SETDB1: variants seen among roughly 807,000 people sequenced by gnomAD.
SETDB1 encodes histone-lysine N-methyltransferase SETDB1.
SETDB1 carries 31 observed loss-of-function variants against 137.4 expected under a neutral mutation model. The ratio of observed to expected loss-of-function variants is 0.23; its 90% confidence interval spans 0.17 to 0.30. SETDB1 has a LOEUF of 0.30. Among genes scored for constraint, SETDB1 ranks in the 10% least tolerant of loss-of-function variants. SETDB1 has a pLI of 1.00. For synonymous variants in SETDB1, 548 were observed against 579.9 expected (o/e 0.95, Z 0.79); for missense variants, 1,113 against 1,631.5 (o/e 0.68, Z 5.47).
chr1:150,952,310 G>A (rs79228431), intron 14 of SETDB1, among the ~76,000 whole-genome samples: 4,187 of 152,216 alleles, frequency 0.028, 81 homozygotes, highest in Non-Finnish European at 0.043. Context: ...TTAGGAGATC[G>A]TTATAGGAGT....
Position 150,960,228 on chromosome 1 carries a change from CTG to C in SETDB1, c.2504-332_2504-331del, listed in dbSNP as rs369768448. 1.5e-4 allele frequency among the ~76,000 whole-genome samples: 23 copies of C among 151,974 alleles called. No homozygotes were observed. The East Asian group carries it at 3.7e-3, about 24-fold the overall frequency. On this transcript the variant is annotated intron_variant, in intron 15 of 21. Transcript: ENST00000692827. ...GTGGCTAACACCTGTAATCCCAACA[CTG>C]TGGGAGGCTGAGGCGGGCAGATCAC... is the stretch of plus-strand genomic sequence containing the variant.
At chr1:150,927,999 G>A in intron 2 of SETDB1, 25 bp downstream of exon 2, 3 of 1,607,886 alleles carry the variant, frequency 1.9e-6, no homozygotes, top group South Asian at 2.2e-5. Flanking sequence ...GAAAATAGAA[G>A]GAAATCTCTC....
In SETDB1 at chr1:150,949,291, C is replaced by T. The variant is rs746018029; in HGVS notation, c.1424+13C>T. On this transcript the variant is annotated intron_variant, in intron 11 of 21. Transcript: ENST00000692827. Reference sequence around the variant, plus strand: ...CAGGTGACAGTGAGTGAGTGTTATTCTTTCTTTTTCTTCAGTTTCTTTCAT... The same window carrying T: ...CAGGTGACAGTGAGTGAGTGTTATTTTTTCTTTTTCTTCAGTTTCTTTCAT... The T allele has an allele frequency of 4.3e-5, 69 of 1,612,758 alleles. No homozygotes were observed. Among genetic ancestry groups the T allele is most frequent in the Non-Finnish European group, 5.2e-5 (61 of 1,179,316 alleles).
At chr1:150,931,636 TA>T (rs1386651491) in intron 3 of SETDB1, among the ~76,000 whole-genome samples, 32 of 61,196 alleles carry the variant, frequency 5.2e-4, no homozygotes, top group Admixed American at 1.8e-3. Flanking sequence ...AAATAAAAAA[TA>T]AAAAAAATAA....
intron 4 of SETDB1, among the ~76,000 whole-genome samples, 156 bp from the exon 5 acceptor site, chr1:150,941,173 G>C (rs1013038679): frequency 1.3e-4 from 20 of 152,072 alleles, no homozygotes; most frequent in African/African-American, 4.3e-4. Context: ...CAAAAAAAAA[G>C]AGTAAGGGCA....
At chr1:150,933,645 A>G (rs1174896489) in intron 3 of SETDB1, among the ~76,000 whole-genome samples, 1 of 151,902 alleles carries the variant, frequency 6.6e-6, no homozygotes, top group Non-Finnish European at 1.5e-5. Flanking sequence ...TCAAAGTGCT[A>G]GAATTACAGG....
At chr1:150,943,888 C>CAG (rs763364311) in intron 7 of SETDB1, 32 bp from the exon 8 acceptor site, 2 of 1,348,330 alleles carry the variant, frequency 1.5e-6, no homozygotes, top group South Asian at 2.3e-5. Flanking sequence ...TCATAACCCC[C>CAG]AGATCTTTCT....
At position 150,946,945 on chromosome 1, in the gene SETDB1, C is replaced by T. The variant is rs750000435; in HGVS notation, c.1200C>T (p.Ser400=). 1 of 1,614,138 alleles carries T rather than the reference C, an allele frequency of 6.2e-7. No homozygotes were observed. The highest frequency in any genetic ancestry group is 8.5e-7 in the Non-Finnish European group (1 of 1,179,994). Reference sequence around the variant, plus strand: ...CTACACGGCTGGAGCCCATGTTCAGCATGAAAACATCCTCAGCCTCTGCAC... The same window carrying T: ...CTACACGGCTGGAGCCCATGTTCAGTATGAAAACATCCTCAGCCTCTGCAC... ...RGSTRLEPMF[S]MKTSSASALE... Residue 400 remains serine, a synonymous_variant, in exon 10 of 22, where the codon AGC becomes AGT. Coordinates refer to ENST00000692827, the MANE Select transcript of SETDB1 (RefSeq NM_001366418.1).
rs780187519 is a variant in SETDB1, at chr1:150,964,060, C to G, written c.3738C>G (p.Pro1246=). ...VFVDTHDLRF[P]WVAFFASKRI... ...TGGATACCCATGATCTTCGCTTCCCCTGGGTGGCCTTCTTTGCCAGCAAGT... is the reference window on the plus strand; with the variant it reads ...TGGATACCCATGATCTTCGCTTCCCGTGGGTGGCCTTCTTTGCCAGCAAGT... Residue 1246 remains proline (P), a synonymous_variant, in exon 21 of 22, where the codon CCC becomes CCG. Coordinates refer to ENST00000692827, the MANE Select transcript of SETDB1 (RefSeq NM_001366418.1). 3.1e-6 allele frequency: 5 copies of G among 1,614,066 alleles called. No homozygotes were observed. In the South Asian group the frequency reaches 5.5e-5, roughly 18 times the overall value.
chr1:150,933,003 T>G (rs983230572), intron 3 of SETDB1, among the ~76,000 whole-genome samples: 8 of 152,140 alleles, frequency 5.3e-5, no homozygotes, highest in African/African-American at 1.9e-4. Context: ...TTAATTAATT[T>G]TATTGTGTTC....
chr1:150,950,532 A>G lies in SETDB1; in HGVS notation c.1658A>G (p.His553Arg), dbSNP rs767563196. ...GCCCCTCCAGCACCCCCAGTCTTCC[A>G]TGGCATGCTGGAGCGGGCCCCAGCA... Reference protein sequence around the residue: ...LPAPPAPPVFHGMLERAPAEP... With the variant: ...LPAPPAPPVFRGMLERAPAEP... The change falls in exon 13 of 22, where the codon CAT becomes CGT. Residue 553 changes from histidine to arginine, a missense_variant. Transcript: ENST00000692827. 35 of 1,613,808 alleles carry G rather than the reference A, an allele frequency of 2.2e-5. No individual in the cohort carries two copies. In the South Asian group the frequency reaches 3.7e-4, roughly 17 times the overall value.
chr1:150,936,131 T>TG (rs1467858645), intron 3 of SETDB1, among the ~76,000 whole-genome samples: 1 of 151,466 alleles, frequency 6.6e-6, no homozygotes, highest in Non-Finnish European at 1.5e-5. Flanking sequence ...GGACTACAGG[T>TG]GCCCGCCACC....
chr1:150,961,941 G>T, intron 16 of SETDB1, 189 bp from the exon 17 acceptor site: 1 of 697,104 alleles, frequency 1.4e-6, no homozygotes. Context: ...TCACTGAGAA[G>T]GCTTAAAGGC....
chr1:150,927,698 A>G lies in SETDB1; in HGVS notation c.-11-6A>G. 1 of 1,612,538 alleles carries G rather than the reference A, an allele frequency of 6.2e-7. No individual in the cohort carries two copies. Among genetic ancestry groups the G allele is most frequent in the Non-Finnish European group, 8.5e-7 (1 of 1,178,944 alleles). ...TCCAATTTAATTTGTTTTCTGTTCC[A>G]TGCAGAGGACAAAAGCATGTCTTCC... On this transcript the variant is annotated splice_polypyrimidine_tract_variant and splice_region_variant and intron_variant, in intron 1 of 21. Transcript: ENST00000692827.
chr1:150,949,303 T>G, intron 11 of SETDB1, 25 bp downstream of exon 11: 1 of 1,612,548 alleles, frequency 6.2e-7, no homozygotes, highest in Non-Finnish European at 8.5e-7. Flanking sequence ...TTCTTTTTCT[T>G]CAGTTTCTTT....
chr1:150,929,819 A>G (rs978265808), intron 2 of SETDB1, 148 bp from the exon 3 acceptor site: 2 of 680,998 alleles, frequency 2.9e-6, no homozygotes, highest in Non-Finnish European at 4.9e-6. Flanking sequence ...TAGAAAAAGC[A>G]TTCTAAATTC....
rs759691820 is a variant in SETDB1 at position 150,960,874 on chromosome 1, G to A, written c.2815G>A (p.Gly939Arg). Residue 939 changes from glycine (G) to arginine (R), a missense_variant, in exon 16 of 22, where the codon GGA becomes AGA. Transcript: ENST00000692827. ...RRQTRGQKEN[G>R]LSETTSKDSH... ...GCAGACCCGGGGCCAGAAAGAGAAC[G>A]GACTCTCTGAGACAACTTCCAAGGA... 9.9e-6 allele frequency: 16 copies of A among 1,609,244 alleles called. No individual in the cohort carries two copies. The African/African-American group carries it at 1.3e-4, about 13-fold the overall frequency.
At chr1:150,940,813 C>T (rs1670115887) in intron 4 of SETDB1, among the ~76,000 whole-genome samples, 1 of 151,812 alleles carries the variant, frequency 6.6e-6, no homozygotes, top group Admixed American at 6.6e-5. Context: ...GCCTGGCTAA[C>T]ATAGTGAAAC....
At chr1:150,943,364 T>A (rs2102694016) in intron 7 of SETDB1, among the ~76,000 whole-genome samples, 1 of 152,246 alleles carries the variant, frequency 6.6e-6, no homozygotes, top group South Asian at 2.1e-4. Flanking sequence ...AGCATAGGAA[T>A]CTGATAGAGG....
Sources: gnomAD v4.1 joint callset for allele counts (sites outside exome capture counted in the v4.1 genomes callset) on GRCh38, gnomAD v4.1.1 for gene constraint, MANE v1.5 for transcripts, NCBI Gene and HGNC (gene_info 2026-07-23, HGNC 2026-07-21) for gene names.